Variants in ZNF827 observed in about 807,000 individuals in gnomAD.
ZNF827 encodes the protein zinc finger protein 827.
Under a neutral mutation model 102.4 loss-of-function variants are expected in ZNF827, and 13 were observed. The ratio of observed to expected loss-of-function variants is 0.13; its 90% confidence interval spans 0.08 to 0.20. ZNF827 has a LOEUF of 0.20. Among genes scored for constraint, ZNF827 ranks in the 10% least tolerant of loss-of-function variants. The pLI is 1.00. For synonymous variants in ZNF827, 523 were observed against 536.2 expected, an observed-to-expected ratio of 0.98 and a Z score of 0.34; for missense variants, 1,103 against 1,344.4, an observed-to-expected ratio of 0.82 and a Z score of 2.81.
intron 4 of ZNF827, among the ~76,000 whole-genome samples, chr4:145,883,993 A>T (rs1056528470): frequency 6.6e-5 from 10 of 152,198 alleles, no homozygotes; most frequent in Non-Finnish European, 1.2e-4. Context: ...TTTAAATATA[A>T]AACTCAAAGT....
chr4:145,908,931 G>C (rs942660583), intron 1 of ZNF827, among the ~76,000 whole-genome samples: 3 of 152,156 alleles, frequency 2.0e-5, no homozygotes, highest in Non-Finnish European at 4.4e-5. Context: ...CAAAGGATGA[G>C]GGCGATTTTA....
chr4:145,934,979 T>C (rs576357007), intron 1 of ZNF827, among the ~76,000 whole-genome samples: 2 of 152,242 alleles, frequency 1.3e-5, no homozygotes, highest in Non-Finnish European at 2.9e-5. Flanking sequence ...ACAGTGGCTA[T>C]TAACCTCTTT....
intron 3 of ZNF827, among the ~76,000 whole-genome samples, chr4:145,889,803 C>T (rs1032281122): frequency 2.6e-5 from 4 of 152,078 alleles, no homozygotes; most frequent in Non-Finnish European, 4.4e-5. Context: ...ATGGTGAAAC[C>T]TCGTCTCTAC....
intron 8 of ZNF827, among the ~76,000 whole-genome samples, chr4:145,811,777 T>G (rs1742034345): frequency 6.6e-6 from 1 of 152,224 alleles, no homozygotes; most frequent in South Asian, 2.1e-4. Flanking sequence ...ATGTGAACTT[T>G]TGCCTGATTG....
At chr4:145,897,516 C>G (rs1199365035) in intron 2 of ZNF827, among the ~76,000 whole-genome samples, 2 of 152,196 alleles carry the variant, frequency 1.3e-5, no homozygotes, top group Non-Finnish European at 2.9e-5. Flanking sequence ...CGGTACACAT[C>G]TGTGTAGGAT....
Position 145,775,869 on chromosome 4 carries a change from C to T in ZNF827, c.2613G>A (p.Leu871=), listed in dbSNP as rs1737000832. The T allele has an allele frequency of 6.2e-7, 1 of 1,614,056 alleles. No individual in the cohort carries two copies. Among genetic ancestry groups the T allele is most frequent in the Admixed American group, 1.7e-5 (1 of 60,006 alleles). The change falls in exon 10 of 15, where the codon CTG becomes CTA. Residue 871 remains leucine (L), a synonymous_variant. Transcript: ENST00000508784. ...NQHLTVHSVK[L]VSTDTEDIVS... is the part of the protein sequence containing the mutation. ...CAATGTCCTCGGTGTCTGTACTCAC[C>T]AGCTTCACGGAATGGACGGTCAAGT... is the stretch of plus-strand genomic sequence containing the variant.
intron 1 of ZNF827, among the ~76,000 whole-genome samples, chr4:145,923,386 C>T (rs895977310): frequency 1.3e-5 from 2 of 151,816 alleles, no homozygotes; most frequent in African/African-American, 4.8e-5. Flanking sequence ...AGGCGGATCA[C>T]CTGAGGCCAG....
chr4:145,856,985 GCACACACACA>G (rs70956877), intron 5 of ZNF827, among the ~76,000 whole-genome samples: 1 of 140,040 alleles, frequency 7.1e-6, no homozygotes, highest in East Asian at 2.0e-4. Flanking sequence ...GCACGCGCAC[GCACACACACA>G]CACACACACA....
chr4:145,856,823 C>A (rs149646381), intron 5 of ZNF827, among the ~76,000 whole-genome samples: 38 of 151,750 alleles, frequency 2.5e-4, no homozygotes, highest in African/African-American at 8.9e-4. Flanking sequence ...CAAATTAATT[C>A]TTTAATTAAT....
chr4:145,837,214 C>T (rs1227048067), intron 7 of ZNF827, among the ~76,000 whole-genome samples: 2 of 150,362 alleles, frequency 1.3e-5, no homozygotes, highest in South Asian at 4.4e-4. Flanking sequence ...TTCAGTGAAA[C>T]CTTTATATCC....
At chr4:145,791,546 T>C (rs757164586) in intron 8 of ZNF827, among the ~76,000 whole-genome samples, 1 of 152,200 alleles carries the variant, frequency 6.6e-6, no homozygotes, top group Non-Finnish European at 1.5e-5. Flanking sequence ...CCAGTAATAA[T>C]AAGTAGCATA....
chr4:145,847,384 C>T (rs556742743), intron 6 of ZNF827, among the ~76,000 whole-genome samples: 1 of 152,156 alleles, frequency 6.6e-6, no homozygotes, highest in African/African-American at 2.4e-5. Context: ...GCAGTTGTTG[C>T]AACTGTTCCG....
chr4:145,913,175 C>G (rs1752414578), intron 1 of ZNF827, among the ~76,000 whole-genome samples: 1 of 152,018 alleles, frequency 6.6e-6, no homozygotes, highest in Non-Finnish European at 1.5e-5. Flanking sequence ...CCTATAATCC[C>G]AGCACTTTTG....
intron 5 of ZNF827, among the ~76,000 whole-genome samples, chr4:145,851,839 GAT>G (rs1470096690): frequency 6.6e-6 from 1 of 152,154 alleles, no homozygotes; most frequent in Admixed American, 6.5e-5. Flanking sequence ...AGCTGTCCAA[GAT>G]ACACGCTTAG....
At chr4:145,864,353 G>C (rs536820201) in intron 5 of ZNF827, among the ~76,000 whole-genome samples, 1 of 143,064 alleles carries the variant, frequency 7.0e-6, no homozygotes, top group African/African-American at 2.6e-5. Flanking sequence ...GTCCTCCCAA[G>C]TTGGGAGGAC....
chr4:145,807,085 A>C (rs1741523192), intron 8 of ZNF827, among the ~76,000 whole-genome samples: 1 of 152,220 alleles, frequency 6.6e-6, no homozygotes, highest in Non-Finnish European at 1.5e-5. Flanking sequence ...TTAATAACTT[A>C]CAGGATGTGT....
At chr4:145,823,310 C>T (rs1743338146) in intron 8 of ZNF827, 112 bp downstream of exon 8, 1 of 853,768 alleles carries the variant, frequency 1.2e-6, no homozygotes, top group Non-Finnish European at 1.9e-6. Flanking sequence ...AAAACCTAAC[C>T]TTATATGAAT....
At chr4:145,853,512 C>G (rs1262773603) in intron 5 of ZNF827, among the ~76,000 whole-genome samples, 2 of 151,772 alleles carry the variant, frequency 1.3e-5, no homozygotes, top group Admixed American at 6.6e-5. Flanking sequence ...CCAGGGAGTT[C>G]AAGGCTGCAA....
chr4:145,869,514 C>CT lies in ZNF827; in HGVS notation c.1981+730dup, dbSNP rs1456740746. On this transcript the variant is annotated intron_variant, in intron 5 of 14. Coordinates refer to ENST00000508784, the MANE Select transcript of ZNF827 (RefSeq NM_001306215.2). ...TGACAAGTATTATTATTGATATAAC[C>CT]TTTTTTTTCCATGTTCTGAAAGTCC... Among the ~76,000 whole-genome samples the CT allele has an allele frequency of 2.6e-5, 4 of 152,106 alleles. 1 individual carries two copies. The East Asian group carries it at 7.7e-4, about 29-fold the overall frequency.
Sources: allele counts gnomAD v4.1 joint callset (sites outside exome capture counted in the v4.1 genomes callset), GRCh38; gene constraint gnomAD v4.1.1; transcripts MANE v1.5; gene names NCBI Gene and HGNC (gene_info 2026-07-23, HGNC 2026-07-21).